The following RARS2 variants were observed in gnomAD, a reference collection of about 807,000 sequenced individuals.
The protein encoded by RARS2 is probable arginine--tRNA ligase, mitochondrial.
Under a neutral mutation model 88.5 loss-of-function variants are expected in RARS2, and 67 were observed. The ratio of observed to expected loss-of-function variants is 0.76; its 90% CI spans 0.62 to 0.93. The LOEUF (loss-of-function observed/expected upper bound fraction) is 0.93, where lower values mean the gene tolerates loss of function less well. RARS2 is among the 40% of genes least tolerant of loss of function. The probability of loss-of-function intolerance (pLI) is 0.00; values close to 1 mark genes in which losing one functional copy is unlikely to be tolerated. For synonymous variants in RARS2, 239 were observed against 230.3 expected (o/e 1.04, Z -0.34); for missense variants, 664 against 684.2 (o/e 0.97, Z 0.33).
At chr6:87,588,152 T>C (rs930575349) in intron 1 of RARS2, among the ~76,000 whole-genome samples, 14 of 152,186 alleles carry the variant, frequency 9.2e-5, no homozygotes, top group Non-Finnish European at 1.6e-4. Context: ...CTATCTTTAC[T>C]TAAGGGCTAA....
intron 2 of RARS2, among the ~76,000 whole-genome samples, chr6:87,568,471 G>A (rs1434518192): frequency 6.6e-6 from 1 of 152,228 alleles, no homozygotes; most frequent in Non-Finnish European, 1.5e-5. Flanking sequence ...CTGCCCTCCA[G>A]CTTGGGTGAC....
intron 8 of RARS2, among the ~76,000 whole-genome samples, chr6:87,534,911 C>A (rs1778670808): frequency 6.6e-6 from 1 of 152,174 alleles, no homozygotes; most frequent in Admixed American, 6.6e-5. Context: ...AGAAGAGCTG[C>A]ATGCCTCCAA....
intron 16 of RARS2, 102 bp from the exon 17 acceptor site, chr6:87,518,366 T>C: frequency 6.3e-7 from 1 of 1,583,660 alleles, no homozygotes; most frequent in Non-Finnish European, 8.6e-7. Context: ...ACAATTTTGG[T>C]CTCCTTAATA....
In RARS2 at chr6:87,561,028, A is replaced by G. The variant is rs919141926; in HGVS notation, c.297+1674T>C. ...ATACTTCATTATAAATGACTATGTT[A>G]GTGATTTATATATTTACTTTTAATC... is the stretch of plus-strand genomic sequence containing the variant. On this transcript the variant is annotated intron_variant, in intron 4 of 19. Coordinates refer to ENST00000369536, the MANE Select transcript of RARS2 (RefSeq NM_020320.5). Among the ~76,000 whole-genome samples, 8 of 152,236 alleles carry G rather than the reference A, an allele frequency of 5.3e-5. No individual in the cohort carries two copies. The South Asian group carries it at 1.7e-3, about 32-fold the overall frequency.
chr6:87,539,341 GT>G (rs1562130399), intron 8 of RARS2, among the ~76,000 whole-genome samples: 2 of 152,264 alleles, frequency 1.3e-5, no homozygotes, highest in African/African-American at 4.8e-5. Context: ...TCTCTTAGAA[GT>G]AAAATTTATT....
At chr6:87,516,509 C>T (rs1041929996) in intron 18 of RARS2, among the ~76,000 whole-genome samples, 1 of 152,156 alleles carries the variant, frequency 6.6e-6, no homozygotes, top group Admixed American at 6.5e-5. Context: ...CCTCTCTGAT[C>T]GCTCAAGGCT....
chr6:87,542,424 T>A (rs187258684), intron 7 of RARS2, among the ~76,000 whole-genome samples: 111 of 152,332 alleles, frequency 7.3e-4, no homozygotes, highest in African/African-American at 2.6e-3. Flanking sequence ...GTTTTCAAAC[T>A]TTCTTTTTAA....
intron 1 of RARS2, among the ~76,000 whole-genome samples, chr6:87,585,352 A>G (rs1385382448): frequency 6.6e-6 from 1 of 152,200 alleles, no homozygotes; most frequent in African/African-American, 2.4e-5. Context: ...CAAAACAATT[A>G]CTCTTATTAT....
intron 2 of RARS2, among the ~76,000 whole-genome samples, chr6:87,565,244 C>T (rs1161548807): frequency 2.6e-5 from 4 of 152,172 alleles, no homozygotes; most frequent in Non-Finnish European, 4.4e-5. Flanking sequence ...ATTCAAACCT[C>T]TCCACTGACC....
intron 1 of RARS2, among the ~76,000 whole-genome samples, chr6:87,583,804 G>A (rs1264576356): frequency 6.6e-6 from 1 of 152,152 alleles, no homozygotes; most frequent in Admixed American, 6.5e-5. Flanking sequence ...TTATAGCTGA[G>A]TGACCTTAGG....
Position 87,524,588 on chromosome 6 carries a change from G to A in RARS2, c.943C>T (p.Arg315Ter), listed in dbSNP as rs199835443. Residue 315 changes from arginine (R) to a stop codon, truncating the protein, a stop_gained, in exon 11 of 20, where the codon CGA becomes TGA. Coordinates refer to ENST00000369536, the MANE Select transcript of RARS2 (RefSeq NM_020320.5). LOFTEE classifies it high-confidence loss of function. ...GDPSSICTVM[R>*]SDGTSLYATR... ...GCATAGAGAGAAGTCCCATCACTTCGCATTACAGTACAAATTGAGGAGGGG... is the reference window on the plus strand; with the variant it reads ...GCATAGAGAGAAGTCCCATCACTTCACATTACAGTACAAATTGAGGAGGGG... The A allele has an allele frequency of 1.7e-5, 27 of 1,612,990 alleles. No individual in the cohort carries two copies. Among genetic ancestry groups the A allele is most frequent in the Admixed American group, 5.0e-5 (3 of 59,978 alleles).
chr6:87,525,564 G>C (rs894303052), intron 10 of RARS2, among the ~76,000 whole-genome samples: 2 of 90,484 alleles, frequency 2.2e-5, no homozygotes, highest in East Asian at 5.9e-4. Context: ...TTTTTTTTTT[G>C]AGACGGAGTC....
At chr6:87,568,769 C>T (rs1768734813) in intron 2 of RARS2, among the ~76,000 whole-genome samples, 1 of 152,152 alleles carries the variant, frequency 6.6e-6, no homozygotes, top group African/African-American at 2.4e-5. Context: ...AATATTCATT[C>T]TACTCTTAAA....
intron 1 of RARS2, among the ~76,000 whole-genome samples, chr6:87,582,531 G>T (rs1281312068): frequency 2.6e-5 from 4 of 152,146 alleles, no homozygotes; most frequent in African/African-American, 7.2e-5. Context: ...TCTGTAGGTT[G>T]CCTGTTTGCT....
intron 5 of RARS2, among the ~76,000 whole-genome samples, chr6:87,550,636 A>G (rs1784021409): frequency 6.6e-6 from 1 of 151,666 alleles, no homozygotes; most frequent in South Asian, 2.1e-4. Context: ...ATCAAATTAT[A>G]TGTTTAAATA....
At chr6:87,542,486 C>CTTTA (rs1781306321) in intron 7 of RARS2, among the ~76,000 whole-genome samples, 1 of 152,014 alleles carries the variant, frequency 6.6e-6, no homozygotes, top group Admixed American at 6.6e-5. Context: ...TATATTAGTT[C>CTTTA]TTAAACAAAA....
intron 1 of RARS2, among the ~76,000 whole-genome samples, chr6:87,586,421 C>A (rs67956402): frequency 0.12 from 18,325 of 152,176 alleles, 1,192 homozygotes; most frequent in African/African-American, 0.16. Context: ...CACTCCTACC[C>A]ATATCCCTTT....
At chr6:87,546,264 G>A (rs1782607985) in intron 6 of RARS2, among the ~76,000 whole-genome samples, 1 of 152,090 alleles carries the variant, frequency 6.6e-6, no homozygotes, top group Non-Finnish European at 1.5e-5. Flanking sequence ...CTCATCTACT[G>A]CCGAGGCTGA....
At chr6:87,579,881 G>T (rs1477970872) in intron 1 of RARS2, among the ~76,000 whole-genome samples, 5 of 151,742 alleles carry the variant, frequency 3.3e-5, no homozygotes, top group African/African-American at 4.8e-5. Flanking sequence ...CTCAGCCTGG[G>T]ATTACAGGCA....
Sources: gnomAD v4.1 joint callset for allele counts (sites outside exome capture counted in the v4.1 genomes callset) on GRCh38, gnomAD v4.1.1 for gene constraint, MANE v1.5 for transcripts, NCBI Gene and HGNC (gene_info 2026-07-23, HGNC 2026-07-21) for gene names.